Variants in PHACTR4 observed in about 807,000 individuals in gnomAD.
The protein encoded by PHACTR4 is protein phosphatase 1, regulatory subunit 124.
Under a neutral mutation model 72.7 loss-of-function variants are expected in PHACTR4, and 51 were observed. That is an observed-to-expected ratio of 0.70 (90% CI 0.56 to 0.89). PHACTR4 has a LOEUF of 0.89. Ranked by LOEUF, PHACTR4 falls within the 40% of genes least tolerant of loss-of-function variation. PHACTR4 has a pLI of 0.00. For missense variants in PHACTR4, 731 were observed against 861.8 expected (o/e 0.85, Z 1.90); for synonymous variants, 255 against 302.5 (o/e 0.84, Z 1.63).
intron 2 of PHACTR4, among the ~76,000 whole-genome samples, chr1:28,408,064 G>C (rs1654484723): frequency 6.6e-6 from 1 of 152,236 alleles, no homozygotes; most frequent in African/African-American, 2.4e-5. Context: ...AGGTTGCAGT[G>C]AGCTGAGATC....
intron 1 of PHACTR4, among the ~76,000 whole-genome samples, chr1:28,395,955 C>T (rs747634274): frequency 2.1e-4 from 31 of 147,208 alleles, no homozygotes; most frequent in Middle Eastern, 3.4e-3. Flanking sequence ...TGAGCCACCA[C>T]GCCCGGCCAA....
At chr1:28,463,065 T>G (rs1450020246) in intron 4 of PHACTR4, among the ~76,000 whole-genome samples, 1 of 152,152 alleles carries the variant, frequency 6.6e-6, no homozygotes, top group Non-Finnish European at 1.5e-5. Context: ...CCAGGTATGG[T>G]AGTGCAGGCC....
At chr1:28,482,765 T>C (rs762052850) in intron 9 of PHACTR4, among the ~76,000 whole-genome samples, 10 of 151,440 alleles carry the variant, frequency 6.6e-5, no homozygotes, top group Non-Finnish European at 1.3e-4. Flanking sequence ...CAAAGTGAGA[T>C]CCCATCTGTA....
intron 2 of PHACTR4, chr1:28,457,732 C>A: frequency 1.5e-6 from 1 of 662,118 alleles, no homozygotes; most frequent in Non-Finnish European, 1.9e-6. Flanking sequence ...AACATGTTAG[C>A]TTATCATATG....
At chr1:28,485,055 T>A (rs1230809289) in intron 9 of PHACTR4, among the ~76,000 whole-genome samples, 1 of 152,126 alleles carries the variant, frequency 6.6e-6, no homozygotes, top group Non-Finnish European at 1.5e-5. Flanking sequence ...AACAACATAG[T>A]CAAACCTTGA....
At chr1:28,374,968 T>C (rs1651528846) in intron 1 of PHACTR4, among the ~76,000 whole-genome samples, 2 of 152,220 alleles carry the variant, frequency 1.3e-5, no homozygotes, top group African/African-American at 4.8e-5. Flanking sequence ...GATACATTAT[T>C]CGCTTCAAAT....
rs372200741 is a variant in PHACTR4, at chr1:28,469,509, T to A, written c.823+2741T>A. On this transcript the variant is annotated intron_variant, in intron 6 of 13. Transcript: ENST00000373839. ...GTTGTCAGGGTATATATACCAGAAT[T>A]TACTTCCTTAACATATATGCCTTCC... Among the ~76,000 whole-genome samples, 37 of 152,310 alleles carry A rather than the reference T, an allele frequency of 2.4e-4. No individual in the cohort carries two copies. The East Asian group carries it at 6.4e-3, about 26-fold the overall frequency.
rs187564099 is a variant in PHACTR4, at chr1:28,448,244, G to A, written c.17-10841G>A. ...AATTTTGGACAAATAGGCTGGGCAC[G>A]GTGGCTCATGCCTGTAATCCTAGCA... is the stretch of plus-strand genomic sequence containing the variant. On this transcript the variant is annotated intron_variant, in intron 2 of 13. Coordinates refer to ENST00000373839, the MANE Select transcript of PHACTR4 (RefSeq NM_001048183.3). 2.4e-4 allele frequency among the ~76,000 whole-genome samples: 36 copies of A among 152,110 alleles called. No individual in the cohort carries two copies. In the South Asian group the frequency reaches 6.8e-3, roughly 29 times the overall value.
intron 3 of PHACTR4, among the ~76,000 whole-genome samples, 184 bp downstream of exon 3, chr1:28,459,442 C>T (rs2124468441): frequency 7.1e-6 from 1 of 141,100 alleles, no homozygotes; most frequent in African/African-American, 2.6e-5. Context: ...CCCTCTGTTG[C>T]CCAGGCTAGA....
intron 2 of PHACTR4, among the ~76,000 whole-genome samples, chr1:28,448,464 A>T: frequency 6.6e-6 from 1 of 151,428 alleles, no homozygotes; most frequent in South Asian, 2.1e-4. Context: ...AGGAAACCTG[A>T]TAAGGTGGCC....
intron 1 of PHACTR4, among the ~76,000 whole-genome samples, chr1:28,390,248 TG>T (rs1271428840): frequency 6.6e-6 from 1 of 152,048 alleles, no homozygotes; most frequent in Non-Finnish European, 1.5e-5. Context: ...AAGTCCCTCC[TG>T]GTATCAAGCG....
intron 6 of PHACTR4, among the ~76,000 whole-genome samples, chr1:28,468,562 A>G (rs1016040948): frequency 1.3e-5 from 2 of 152,206 alleles, no homozygotes; most frequent in African/African-American, 2.4e-5. Flanking sequence ...ACTGCATTGC[A>G]GCCTGAGCAA....
chr1:28,410,848 C>A (rs1396019340), intron 2 of PHACTR4, among the ~76,000 whole-genome samples: 145 of 149,822 alleles, frequency 9.7e-4, no homozygotes, highest in African/African-American at 3.4e-3. Flanking sequence ...CTGGGATTAC[C>A]AGCACCTGCC....
At chr1:28,458,090 ATAT>A (rs1162427398) in intron 2 of PHACTR4, among the ~76,000 whole-genome samples, 4 of 140,706 alleles carry the variant, frequency 2.8e-5, no homozygotes, top group African/African-American at 1.1e-4. Context: ...CAAATCCTTA[ATAT>A]TATGGTGTGT....
intron 2 of PHACTR4, among the ~76,000 whole-genome samples, chr1:28,416,643 G>A (rs1655123687): frequency 6.6e-6 from 1 of 152,286 alleles, no homozygotes; most frequent in Non-Finnish European, 1.5e-5. Flanking sequence ...GAAAATCATA[G>A]CAAGTGGGAT....
At chr1:28,393,472 A>G (rs1653220510) in intron 1 of PHACTR4, among the ~76,000 whole-genome samples, 1 of 152,168 alleles carries the variant, frequency 6.6e-6, no homozygotes, top group Admixed American at 6.6e-5. Context: ...AAAAATTCCT[A>G]TTGCCTGGTG....
At chr1:28,454,651 T>C (rs1468642093) in intron 2 of PHACTR4, among the ~76,000 whole-genome samples, 1 of 152,092 alleles carries the variant, frequency 6.6e-6, no homozygotes, top group East Asian at 1.9e-4. Flanking sequence ...TCTTAATGAT[T>C]TGTATATGAT....
Position 28,463,957 on chromosome 1 carries a change from C to G in PHACTR4, c.272-1728C>G, listed in dbSNP as rs116065150. ...ATGTTTCGCAGGCTGATCTCAAACTCTTGGGCTCAACGATCCTCCCGCCTC... is the reference window on the plus strand; with the variant it reads ...ATGTTTCGCAGGCTGATCTCAAACTGTTGGGCTCAACGATCCTCCCGCCTC... On this transcript the variant is annotated intron_variant, in intron 4 of 13. Transcript: ENST00000373839. Among the ~76,000 whole-genome samples, 367 of 151,994 alleles carry G rather than the reference C, an allele frequency of 2.4e-3. 1 individual carries two copies. Among genetic ancestry groups the G allele is most frequent in the African/African-American group, 8.4e-3 (347 of 41,430 alleles).
chr1:28,415,795 A>T (rs1425710400), intron 2 of PHACTR4, among the ~76,000 whole-genome samples: 1 of 152,240 alleles, frequency 6.6e-6, no homozygotes, highest in East Asian at 1.9e-4. Flanking sequence ...AAACAAATTT[A>T]TAAGATAATA....
Sources: allele counts gnomAD v4.1 joint callset (sites outside exome capture counted in the v4.1 genomes callset), GRCh38; gene constraint gnomAD v4.1.1; transcripts MANE v1.5; gene names NCBI Gene and HGNC (gene_info 2026-07-23, HGNC 2026-07-21).